Variants in FRYL observed in about 807,000 individuals in gnomAD.
The protein encoded by FRYL is protein furry homolog-like.
A neutral mutation model predicts 351.2 loss-of-function variants in FRYL; 150 were observed. That is an observed-to-expected ratio of 0.43 (90% CI 0.37 to 0.49). The LOEUF (loss-of-function observed/expected upper bound fraction) is 0.49. Among genes scored for constraint, FRYL ranks in the 20% least tolerant of loss-of-function variants. FRYL has a pLI of 0.00. For missense variants in FRYL, 3,036 were observed against 3,619.3 expected (o/e 0.84, Z 4.13); for synonymous variants, 1,153 against 1,257.1 (o/e 0.92, Z 1.75).
At chr4:48,541,481 GGATA>G (rs1730152215) in intron 45 of FRYL, among the ~76,000 whole-genome samples, 1 of 152,166 alleles carries the variant, frequency 6.6e-6, no homozygotes, top group Admixed American at 6.5e-5. Flanking sequence ...TTGAAAGAGG[GGATA>G]GATATGTAAA....
chr4:48,602,127 G>A lies in FRYL; in HGVS notation c.934-6C>T. 7.1e-7 allele frequency: 1 copy of A among 1,402,090 alleles called. No homozygotes were observed. Among genetic ancestry groups the A allele is most frequent in the Non-Finnish European group, 1.0e-6 (1 of 992,184 alleles). 86.9% of individuals were successfully genotyped at this position (1,402,090 alleles called of 1,614,324 possible). A position where few individuals can be genotyped will look rare whatever the true frequency, so the allele number is the denominator to read the frequency against. ...GTAATTAGTGGATATAAAGCCTATA[G>A]GAGACGGGGAAAAGACAGAATTAAC... On this transcript the variant is annotated splice_region_variant and splice_polypyrimidine_tract_variant and intron_variant, in intron 12 of 63. Coordinates refer to ENST00000358350, the MANE Select transcript of FRYL (RefSeq NM_015030.2).
At chr4:48,616,711 A>C (rs1371661864) in intron 7 of FRYL, among the ~76,000 whole-genome samples, 10 of 152,240 alleles carry the variant, frequency 6.6e-5, no homozygotes, top group Non-Finnish European at 1.5e-5. Flanking sequence ...CATGAGGTCA[A>C]AGTCTAACCT....
At chr4:48,663,698 C>T (rs1214463746) in intron 3 of FRYL, among the ~76,000 whole-genome samples, 1 of 141,406 alleles carries the variant, frequency 7.1e-6, no homozygotes, top group Admixed American at 7.5e-5. Context: ...TGGCGTGAAC[C>T]CGGGAGGCGG....
At chr4:48,503,579 T>C (rs1200598289) in intron 60 of FRYL, among the ~76,000 whole-genome samples, 1 of 152,246 alleles carries the variant, frequency 6.6e-6, no homozygotes, top group African/African-American at 2.4e-5. Context: ...AACTTGGATC[T>C]GGTCTCTTAC....
intron 1 of FRYL, among the ~76,000 whole-genome samples, chr4:48,740,174 G>A (rs947003846): frequency 6.6e-6 from 1 of 151,568 alleles, no homozygotes; most frequent in African/African-American, 2.4e-5. Context: ...ACTGTCAAGA[G>A]ACTGAAAAGA....
intron 1 of FRYL, among the ~76,000 whole-genome samples, chr4:48,718,434 C>T (rs1769109060): frequency 6.6e-6 from 1 of 151,388 alleles, no homozygotes; most frequent in South Asian, 2.1e-4. Context: ...TTTAGCCAAC[C>T]CAACTGCAGG....
chr4:48,572,085 A>G lies in FRYL; in HGVS notation c.2904+1101T>C, dbSNP rs895143225. 13 of 731,296 alleles carry G rather than the reference A, an allele frequency of 1.8e-5. No homozygotes were observed. The African/African-American group carries it at 2.1e-4, about 12-fold the overall frequency. 45.3% of individuals were successfully genotyped at this position (731,296 alleles called of 1,614,324 possible). On this transcript the variant is annotated intron_variant, in intron 26 of 63. Coordinates refer to ENST00000358350, the MANE Select transcript of FRYL (RefSeq NM_015030.2). ...AATGAGGAATTGCAGATGATGTTTC[A>G]AAGTCCCTAAACTGCAGGGATTATC...
intron 3 of FRYL, among the ~76,000 whole-genome samples, chr4:48,667,144 A>C (rs1391446482): frequency 1.3e-5 from 2 of 152,182 alleles, no homozygotes; most frequent in Non-Finnish European, 2.9e-5. Flanking sequence ...TTTTATTATT[A>C]AAATAAAACA....
At chr4:48,553,912 A>G (rs1733489462) in intron 35 of FRYL, among the ~76,000 whole-genome samples, 1 of 152,188 alleles carries the variant, frequency 6.6e-6, no homozygotes, top group Non-Finnish European at 1.5e-5. Context: ...TACTAACTCT[A>G]TCATTGGAAA....
At chr4:48,620,903 A>T (rs1414982161) in intron 5 of FRYL, 125 bp from the exon 6 acceptor site, 1 of 847,276 alleles carries the variant, frequency 1.2e-6, no homozygotes, top group Non-Finnish European at 1.8e-6. Flanking sequence ...TGTGCTTTAA[A>T]ATTAAAGCAA....
At chr4:48,504,808 G>A (rs922037507) in intron 60 of FRYL, among the ~76,000 whole-genome samples, 1 of 139,410 alleles carries the variant, frequency 7.2e-6, no homozygotes, top group Non-Finnish European at 1.5e-5. Context: ...TCTCAACACT[G>A]CAGTTTTTGC....
rs550432367 is a variant in FRYL, at chr4:48,585,473, T to C, written c.1748+1148A>G. ...ATTATGAATTTAACTTACACCTAAG[T>C]GATAAATGCCCAGCCACAAGTAAAC... is the stretch of plus-strand genomic sequence containing the variant. On this transcript the variant is annotated intron_variant, in intron 19 of 63. Transcript: ENST00000358350. Among the ~76,000 whole-genome samples the C allele has an allele frequency of 1.0e-3, 156 of 152,320 alleles. No individual in the cohort carries two copies. The Middle Eastern group carries it at 0.017, about 17-fold the overall frequency.
At chr4:48,658,121 G>C (rs1264969352) in intron 3 of FRYL, among the ~76,000 whole-genome samples, 15 of 149,924 alleles carry the variant, frequency 1.0e-4, no homozygotes, top group Admixed American at 4.0e-4. Flanking sequence ...TGAATAAAAT[G>C]TTACTTAATA....
intron 3 of FRYL, among the ~76,000 whole-genome samples, chr4:48,680,045 A>G (rs954713375): frequency 2.4e-4 from 37 of 152,092 alleles, no homozygotes; most frequent in African/African-American, 8.4e-4. Flanking sequence ...TAAATGAAAA[A>G]GCAAGTATCA....
At chr4:48,535,087 T>G (rs956621080) in intron 48 of FRYL, among the ~76,000 whole-genome samples, 3 of 152,198 alleles carry the variant, frequency 2.0e-5, no homozygotes, top group Admixed American at 2.0e-4. Flanking sequence ...CTTTTTGTGC[T>G]GTTCTAGGGC....
chr4:48,737,767 T>C (rs185893452), intron 1 of FRYL, among the ~76,000 whole-genome samples: 180 of 152,300 alleles, frequency 1.2e-3, no homozygotes, highest in Non-Finnish European at 1.7e-3. Context: ...AGAAGAACTA[T>C]ACACTACAAC....
At position 48,528,204 on chromosome 4, in the gene FRYL, C is replaced by G; in HGVS notation, c.7036G>C (p.Val2346Leu). 1 of 1,613,112 alleles carries G rather than the reference C, an allele frequency of 6.2e-7. No individual in the cohort carries two copies. The highest frequency in any genetic ancestry group is 8.5e-7 in the Non-Finnish European group (1 of 1,179,402). Residue 2346 changes from valine to leucine, a missense_variant, in exon 51 of 64, where the codon GTT becomes CTT. Around this residue, in one of 7 missense-constraint regions of FRYL, gnomAD observed 1,987 missense variants for 2,311.7 expected, o/e 0.86. Coordinates refer to ENST00000358350, the MANE Select transcript of FRYL (RefSeq NM_015030.2). ...GATAACTGTGGCCTTTTCCAACTAA[C>G]AGGAACCAAGGCATTAGAATTAGAA... Reference protein sequence around the residue: ...SGSNSNALVPVSWKRPQLSQR... With the variant: ...SGSNSNALVPLSWKRPQLSQR...
At chr4:48,615,480 C>T (rs536676181) in intron 7 of FRYL, among the ~76,000 whole-genome samples, 1 of 152,288 alleles carries the variant, frequency 6.6e-6, no homozygotes, top group African/African-American at 2.4e-5. Context: ...GAACATATGA[C>T]TAAAATTCAA....
At chr4:48,635,051 T>C (rs1753949977) in intron 3 of FRYL, among the ~76,000 whole-genome samples, 1 of 152,068 alleles carries the variant, frequency 6.6e-6, no homozygotes, top group African/African-American at 2.4e-5. Context: ...AGACTGAACG[T>C]GCATGCTTAA....
Sources: gnomAD v4.1 joint callset for allele counts (sites outside exome capture counted in the v4.1 genomes callset) on GRCh38, gnomAD v4.1.1 for gene constraint, gnomAD v4.1.1 regional missense constraint, MANE v1.5 for transcripts, NCBI Gene and HGNC (gene_info 2026-07-23, HGNC 2026-07-21) for gene names.